Variants in POLD2 observed in about 807,000 individuals in gnomAD.
The protein encoded by POLD2 is DNA polymerase delta 2, accessory subunit.
In POLD2, 31 loss-of-function variants were observed where a neutral mutation model predicts 48.8. The ratio of observed to expected loss-of-function variants is 0.64; its 90% CI spans 0.48 to 0.86. POLD2 has a LOEUF of 0.86. Ranked by LOEUF, POLD2 falls within the 40% of genes least tolerant of loss-of-function variation. The pLI is 0.00. For synonymous variants in POLD2, 233 were observed against 256.3 expected (o/e 0.91, Z 0.87); for missense variants, 455 against 610.1 (o/e 0.75, Z 2.68).
chr7:44,117,533 C>T, intron 4 of POLD2, 86 bp downstream of exon 4: 3 of 1,510,236 alleles, frequency 2.0e-6, no homozygotes, highest in South Asian at 1.2e-5. Context: ...CCCACTCCCC[C>T]CAGGCTCCCC....
At chr7:44,120,201 C>G (rs1256731886) in intron 2 of POLD2, among the ~76,000 whole-genome samples, 1 of 152,242 alleles carries the variant, frequency 6.6e-6, no homozygotes, top group Non-Finnish European at 1.5e-5. Flanking sequence ...AACACATTCA[C>G]TGTGGCAGCT....
chr7:44,115,024 G>A (rs758479310), intron 10 of POLD2, 79 bp from the exon 11 acceptor site: 5 of 1,301,732 alleles, frequency 3.8e-6, no homozygotes, highest in Non-Finnish European at 5.3e-6. Flanking sequence ...AAATAAACAG[G>A]AGTCCCCATT....
intron 2 of POLD2, among the ~76,000 whole-genome samples, chr7:44,119,501 C>T (rs940031720): frequency 6.6e-6 from 1 of 152,182 alleles, no homozygotes; most frequent in Non-Finnish European, 1.5e-5. Flanking sequence ...ACTCCACATC[C>T]TCACGTATCC....
At position 44,116,369 on chromosome 7, in the gene POLD2, G is replaced by A. The variant is rs1444431957; in HGVS notation, c.861+61C>T. The A allele has an allele frequency of 2.5e-6, 4 of 1,588,550 alleles. No homozygotes were observed. Among genetic ancestry groups the A allele is most frequent in the East Asian group, 4.5e-5 (2 of 44,046 alleles). On this transcript the variant is annotated intron_variant, in intron 7 of 10. Coordinates refer to ENST00000610533, the MANE Select transcript of POLD2 (RefSeq NM_006230.4). This position sits in a 1 kb window ranked among gnomAD's most constrained non-coding sequence, Gnocchi z 6.1. ...CCTGCCCTCCTGCCTGCCTTCTGTT[G>A]CCCAGTGGCAGCTTTGAAGACTGCA...
At position 44,117,962 on chromosome 7, in the gene POLD2, A is replaced by G; in HGVS notation, c.323T>C (p.Leu108Pro). 1.2e-6 allele frequency: 2 copies of G among 1,614,136 alleles called. No homozygotes were observed. The highest frequency in any genetic ancestry group is 1.7e-6 in the Non-Finnish European group (2 of 1,180,002). Residue 108 changes from leucine (L) to proline (P), a missense_variant, in exon 3 of 11, where the codon CTG becomes CCG. Transcript: ENST00000610533. ...FKAMPLQPSI[L>P]REVSEEHNLL... is the part of the protein sequence containing the mutation. ...CCTCACCTCCTCGCTGACCTCCCGC[A>G]GGATGGAGGGCTGCAGCGGCATGGC...
Position 44,115,519 on chromosome 7 carries a change from G to A in POLD2, c.1148-123C>T, listed in dbSNP as rs918641086. 7.9e-6 allele frequency: 6 copies of A among 762,900 alleles called. No homozygotes were observed. The African/African-American group carries it at 8.7e-5, about 11-fold the overall frequency. 47.3% of individuals were successfully genotyped at this position (762,900 alleles called of 1,614,324 possible). ...TAGGAGACCCCCAGTGTGACAATAG[G>A]GGCACCTCCAGACATTGTCACAAGA... On this transcript the variant is annotated intron_variant, in intron 9 of 10. Coordinates refer to ENST00000610533, the MANE Select transcript of POLD2 (RefSeq NM_006230.4).
intron 2 of POLD2, among the ~76,000 whole-genome samples, chr7:44,120,212 G>T (rs2096246373): frequency 6.6e-6 from 1 of 152,230 alleles, no homozygotes; most frequent in Non-Finnish European, 1.5e-5. Context: ...TGTGGCAGCT[G>T]TTTGGTTTCC....
intron 4 of POLD2, 82 bp downstream of exon 4, chr7:44,117,526 ACTCCCCCCAGG>A: frequency 3.0e-6 from 4 of 1,318,906 alleles, no homozygotes; most frequent in Non-Finnish European, 3.1e-6. Context: ...ACACCCCCCC[ACTCCCCCCAGG>A]CTCCCCACTC....
rs1415077571 is a variant in POLD2 at position 44,116,740 on chromosome 7, T to C, written c.780+77A>G. ...TGCGAGACCTCACAGGGTACCCTAC[T>C]CGCCCTGGGGAAGGAGGGTCTTACA... On this transcript the variant is annotated intron_variant, in intron 6 of 10. Coordinates refer to ENST00000610533, the MANE Select transcript of POLD2 (RefSeq NM_006230.4). This position sits in a 1 kb window ranked among gnomAD's most constrained non-coding sequence, Gnocchi z 6.1. 3 of 1,511,190 alleles carry C rather than the reference T, an allele frequency of 2.0e-6. No individual in the cohort carries two copies. The highest frequency in any genetic ancestry group is 2.7e-6 in the Non-Finnish European group (3 of 1,095,026). The allele number at this position is 1,511,190 out of a possible 1,614,324, so 93.6% of individuals were successfully genotyped here. A position where few individuals can be genotyped will look rare whatever the true frequency, so the allele number is the denominator to read the frequency against.
upstream of POLD2, chr7:44,123,741 G>T (rs552268793): frequency 3.1e-5 from 41 of 1,331,008 alleles, no homozygotes; most frequent in African/African-American, 6.2e-4. Flanking sequence ...GCGGGGCGGG[G>T]GCTCGCAGGC....
rs368130245 is a variant in POLD2 at position 44,122,138 on chromosome 7, C to T, written c.-56-29G>A. On this transcript the variant is annotated intron_variant, in intron 1 of 10. Coordinates refer to ENST00000610533, the MANE Select transcript of POLD2 (RefSeq NM_006230.4). ...CGAAAACACAAAGGCATTCCTGCTG[C>T]CCCTGTCCATCCCCCAAAGCAGCAG... 1.3e-4 allele frequency: 197 copies of T among 1,529,282 alleles called. No individual in the cohort carries two copies. The East Asian group carries it at 1.9e-3, about 14-fold the overall frequency. The allele number at this position is 1,529,282 out of a possible 1,614,324, so 94.7% of individuals were successfully genotyped here. A position where few individuals can be genotyped will look rare whatever the true frequency, so the allele number is the denominator to read the frequency against.
intron 1 of POLD2, chr7:44,123,294 C>G: frequency 4.4e-6 from 6 of 1,363,538 alleles, no homozygotes; most frequent in Non-Finnish European, 1.9e-6. Context: ...GCTTTTGGCT[C>G]GAACGTGCTT....
rs2096248917 is a variant in POLD2, at chr7:44,122,003, T to C, written c.51A>G (p.Pro17=). The C allele has an allele frequency of 1.4e-5, 23 of 1,613,760 alleles. No homozygotes were observed. The highest frequency in any genetic ancestry group is 1.9e-5 in the Non-Finnish European group (22 of 1,180,032). Residue 17 remains proline (P), a synonymous_variant, in exon 2 of 11, where the codon CCA becomes CCG. Transcript: ENST00000610533. ...GGGCAAAGGTGGCATTGTTGGCTGATGGTGGGGACAGTAGAGTGTGGGCCC... is the reference window on the plus strand; with the variant it reads ...GGGCAAAGGTGGCATTGTTGGCTGACGGTGGGGACAGTAGAGTGTGGGCCC... The part of the protein sequence containing the change: ...AQRAHTLLSP[P]SANNATFARV...
At position 44,117,940 on chromosome 7, in the gene POLD2, C is replaced by T. The variant is rs766625741; in HGVS notation, c.342+3G>A. ...GGCCCCACTGTGTAGCACCCTGCCTCACCTCCTCGCTGACCTCCCGCAGGA... is the reference window on the plus strand; with the variant it reads ...GGCCCCACTGTGTAGCACCCTGCCTTACCTCCTCGCTGACCTCCCGCAGGA... On this transcript the variant is annotated splice_donor_region_variant and intron_variant, in intron 3 of 10. Transcript: ENST00000610533. 6.2e-7 allele frequency: 1 copy of T among 1,613,790 alleles called. No individual in the cohort carries two copies. Among genetic ancestry groups the T allele is most frequent in the South Asian group, 1.1e-5 (1 of 91,070 alleles).
At chr7:44,117,808 G>A in intron 3 of POLD2, 66 bp from the exon 4 acceptor site, 1 of 1,605,052 alleles carries the variant, frequency 6.2e-7, no homozygotes, top group Non-Finnish European at 8.5e-7. Flanking sequence ...GTGTTAGTGA[G>A]CTGGCACCGC....
Position 44,121,764 on chromosome 7 carries a change from C to A in POLD2, c.220+70G>T. 6.9e-7 allele frequency: 1 copy of A among 1,442,474 alleles called. No individual in the cohort carries two copies. The highest frequency in any genetic ancestry group is 9.4e-7 in the Non-Finnish European group (1 of 1,061,998). 89.4% of individuals were successfully genotyped at this position (1,442,474 alleles called of 1,614,324 possible). On this transcript the variant is annotated intron_variant, in intron 2 of 10. Transcript: ENST00000610533. This position sits in a 1 kb window ranked among gnomAD's most constrained non-coding sequence, Gnocchi z 4.5. Reference sequence around the variant, plus strand: ...TGGGATCAATTAGATAAACTGTTCCCATTCTCTTGCAGAACACTTCTAAGT... The same window carrying A: ...TGGGATCAATTAGATAAACTGTTCCAATTCTCTTGCAGAACACTTCTAAGT...
Position 44,117,231 on chromosome 7 carries a change from C to A in POLD2, c.483G>T (p.Val161=). 6.2e-7 allele frequency: 1 copy of A among 1,613,806 alleles called. No individual in the cohort carries two copies. The highest frequency in any genetic ancestry group is 8.5e-7 in the Non-Finnish European group (1 of 1,179,800). Residue 161 remains valine, a synonymous_variant, in exon 5 of 11, where the codon GTG becomes GTT. Coordinates refer to ENST00000610533, the MANE Select transcript of POLD2 (RefSeq NM_006230.4). The part of the protein sequence containing the change: ...SKLVTGTVLA[V]FGSVRDDGKF... ...TCCCGTCGTCTCTCACGGAGCCAAA[C>A]ACAGCCAGGACAGTCCCTGGGGAGC...
chr7:44,123,404 C>A, intron 1 of POLD2, 107 bp downstream of exon 1: 2 of 1,440,994 alleles, frequency 1.4e-6, no homozygotes. Context: ...ATCCACGCGG[C>A]AGCTGCGGGA....
chr7:44,122,414 G>A, intron 1 of POLD2: 1 of 1,106,756 alleles, frequency 9.0e-7, no homozygotes, highest in South Asian at 4.1e-5. Context: ...AGTTCAGTTT[G>A]CCCCAAATGG....
Sources: gnomAD v4.1 joint callset for allele counts (sites outside exome capture counted in the v4.1 genomes callset) on GRCh38, gnomAD v4.1.1 for gene constraint, Gnocchi (gnomAD v3.1) non-coding constraint, MANE v1.5 for transcripts, NCBI Gene and HGNC (gene_info 2026-07-23, HGNC 2026-07-21) for gene names.